LRRC40: variants seen among roughly 807,000 people sequenced by gnomAD.
LRRC40 encodes leucine rich repeat containing 40, also known as leucine-rich repeat-containing protein 40.
LRRC40 carries 76 observed loss-of-function variants against 72.8 expected under a neutral mutation model. That is an observed-to-expected ratio of 1.04 (90% CI 0.87 to 1.26). The LOEUF is 1.26. Ranked by LOEUF, LRRC40 falls within the 50% of genes most tolerant of loss-of-function variation. LRRC40 has a pLI of 0.00. For synonymous variants in LRRC40, 243 were observed against 254.2 expected (o/e 0.96, Z 0.42); for missense variants, 684 against 698.9 (o/e 0.98, Z 0.24).
rs892947468 is a variant in LRRC40, at chr1:70,144,923, A to G, written c.*877T>C. On this transcript the variant is annotated 3_prime_UTR_variant, in exon 15 of 15. Transcript: ENST00000370952. ...AAAAGCTATCTACCTATCTATATAAATTGATATACATGCTACTGAATTGAC... is the reference window on the plus strand; with the variant it reads ...AAAAGCTATCTACCTATCTATATAAGTTGATATACATGCTACTGAATTGAC... 2.0e-5 allele frequency: 3 copies of G among 152,198 alleles called. No homozygotes were observed. Among genetic ancestry groups the G allele is most frequent in the African/African-American group, 7.2e-5 (3 of 41,470 alleles). The allele number at this position is 152,198 out of a possible 1,614,324, so 9.4% of individuals were successfully genotyped here. A position where few individuals can be genotyped will look rare whatever the true frequency, so the allele number is the denominator to read the frequency against.
intron 1 of LRRC40, among the ~76,000 whole-genome samples, chr1:70,202,262 C>T (rs1668758979): frequency 6.6e-6 from 1 of 151,978 alleles, no homozygotes; most frequent in South Asian, 2.1e-4. Flanking sequence ...CTGCTTTATT[C>T]ATAACTGCCA....
At chr1:70,196,112 GAA>G (rs796209568) in intron 1 of LRRC40, among the ~76,000 whole-genome samples, 1 of 125,202 alleles carries the variant, frequency 8.0e-6, no homozygotes. Context: ...TTCTTTCTAA[GAA>G]AAAAAAAAAA....
At chr1:70,161,375 C>T (rs927311452) in intron 9 of LRRC40, among the ~76,000 whole-genome samples, 30 of 152,030 alleles carry the variant, frequency 2.0e-4, no homozygotes, top group African/African-American at 7.0e-4. Flanking sequence ...TGAGCCACCA[C>T]GCCCAGCCAT....
intron 1 of LRRC40, among the ~76,000 whole-genome samples, chr1:70,201,599 A>T (rs1668739052): frequency 6.6e-6 from 1 of 152,186 alleles, no homozygotes; most frequent in Non-Finnish European, 1.5e-5. Flanking sequence ...CACCAAAGAG[A>T]TATACAGATG....
rs3219841 is a variant in LRRC40 at position 70,204,732 on chromosome 1, TAC to T, written c.151+656_151+657del. On this transcript the variant is annotated intron_variant, in intron 1 of 14. Coordinates refer to ENST00000370952, the MANE Select transcript of LRRC40 (RefSeq NM_017768.5). ...TCTCCATTCCCCTCCCTCTCTCTCTTACACACACACACACACACACACACACA... is the reference window on the plus strand; with the variant it reads ...TCTCCATTCCCCTCCCTCTCTCTCTTACACACACACACACACACACACACA... 6.8e-3 allele frequency among the ~76,000 whole-genome samples: 977 copies of T among 144,498 alleles called. 7 individuals carry two copies. The highest frequency in any genetic ancestry group is 0.018 in the African/African-American group (700 of 39,520). 94.8% of individuals were successfully genotyped at this position (144,498 alleles called of 152,430 possible).
intron 9 of LRRC40, among the ~76,000 whole-genome samples, chr1:70,159,960 G>A (rs774867663): frequency 2.0e-5 from 3 of 152,056 alleles, no homozygotes; most frequent in Admixed American, 6.6e-5. Context: ...CTTAACAAAT[G>A]CAAGACTTTA....
chr1:70,171,322 AC>A (rs1281551368), intron 9 of LRRC40, among the ~76,000 whole-genome samples: 1 of 151,930 alleles, frequency 6.6e-6, no homozygotes, highest in East Asian at 1.9e-4. Flanking sequence ...AAAAAAATGA[AC>A]AAAAAAAAAA....
chr1:70,161,544 C>T (rs1194519618), intron 9 of LRRC40, among the ~76,000 whole-genome samples: 1 of 140,792 alleles, frequency 7.1e-6, no homozygotes, highest in Non-Finnish European at 1.5e-5. Flanking sequence ...GCAAGGCTCC[C>T]TCTCAAAAAA....
intron 4 of LRRC40, among the ~76,000 whole-genome samples, chr1:70,184,412 T>C (rs150146489): frequency 2.9e-3 from 445 of 152,172 alleles, no homozygotes; most frequent in Non-Finnish European, 4.9e-3. Flanking sequence ...ACCTGGACAT[T>C]TGGAAGGCAG....
Position 70,189,127 on chromosome 1 carries a change from C to T in LRRC40, c.298G>A (p.Asp100Asn), listed in dbSNP as rs760549538. 61 of 1,613,434 alleles carry T rather than the reference C, an allele frequency of 3.8e-5. No homozygotes were observed. The highest frequency in any genetic ancestry group is 5.2e-5 in the Non-Finnish European group (61 of 1,179,900). ...SNNKLQSLTD[D>N]LRLLPALTVL... is the part of the protein sequence containing the mutation. ...GTCAGTGCAGGCAAGAGTCGCAGGT[C>T]ATCTGTAAGTGACTGAAGTTTATTG... Residue 100 changes from aspartate to asparagine, a missense_variant, in exon 2 of 15, where the codon GAC becomes AAC. Physicochemically the swap from Asp to Asn is conservative, Grantham distance 23. Coordinates refer to ENST00000370952, the MANE Select transcript of LRRC40 (RefSeq NM_017768.5).
intron 9 of LRRC40, among the ~76,000 whole-genome samples, chr1:70,167,312 C>T (rs1300058048): frequency 2.6e-5 from 4 of 151,720 alleles, no homozygotes; most frequent in African/African-American, 9.7e-5. Flanking sequence ...ATAATCCCAG[C>T]ACTTTGAGAG....
intron 9 of LRRC40, among the ~76,000 whole-genome samples, chr1:70,171,536 C>A (rs1396908032): frequency 6.6e-6 from 1 of 151,922 alleles, no homozygotes; most frequent in Non-Finnish European, 1.5e-5. Flanking sequence ...ATCTGAATAG[C>A]CATTTCTCTA....
intron 1 of LRRC40, among the ~76,000 whole-genome samples, chr1:70,199,215 TCACACA>T (rs3223615): frequency 6.6e-4 from 93 of 140,516 alleles, no homozygotes; most frequent in South Asian, 1.7e-3. Flanking sequence ...ATACATAGTC[TCACACA>T]CACACACACA....
At chr1:70,153,564 T>C (rs138315024) in intron 11 of LRRC40, among the ~76,000 whole-genome samples, 148 of 152,292 alleles carry the variant, frequency 9.7e-4, no homozygotes, top group Admixed American at 1.9e-3. Context: ...TTTCTAGAAA[T>C]CTGGCCTAGA....
intron 9 of LRRC40, among the ~76,000 whole-genome samples, chr1:70,171,861 G>C (rs1436522677): frequency 6.6e-6 from 1 of 152,080 alleles, no homozygotes; most frequent in Non-Finnish European, 1.5e-5. Context: ...ACACCCAAGA[G>C]AAATGAAAAC....
At position 70,173,503 on chromosome 1, in the gene LRRC40, G is replaced by A. The variant is rs779360956; in HGVS notation, c.1073C>T (p.Thr358Ile). The change falls in exon 9 of 15, where the codon ACA becomes ATA. Residue 358 changes from threonine to isoleucine, a missense_variant. By Grantham distance (89) the Thr-to-Ile change is moderately conservative (BLOSUM62 -1). Transcript: ENST00000370952. Reference protein sequence around the residue: ...TIRREIISKGTQEVLKYLRSK... With the variant: ...TIRREIISKGIQEVLKYLRSK... ...TCGTAGATATTTTAGGACTTCTTGT[G>A]TTCCTTTCTAGAAGGGTGGAGACAA... The A allele has an allele frequency of 2.5e-6, 4 of 1,607,648 alleles. No homozygotes were observed. Among genetic ancestry groups the A allele is most frequent in the Non-Finnish European group, 2.6e-6 (3 of 1,174,840 alleles).
chr1:70,146,842 CTTGTT>C (rs1479778872), intron 14 of LRRC40, among the ~76,000 whole-genome samples: 1 of 152,090 alleles, frequency 6.6e-6, no homozygotes, highest in African/African-American at 2.4e-5. Flanking sequence ...GATTTAAGAG[CTTGTT>C]TTGTTTCATT....
rs1391442765 is a variant in LRRC40 at position 70,181,106 on chromosome 1, G to A, written c.641C>T (p.Ala214Val). The A allele has an allele frequency of 6.5e-6, 10 of 1,549,452 alleles. No homozygotes were observed. Among genetic ancestry groups the A allele is most frequent in the East Asian group, 2.3e-5 (1 of 43,822 alleles). Residue 214 changes from alanine to valine, a missense_variant, in exon 5 of 15, where the codon GCA (alanine) becomes GTA (valine). Transcript: ENST00000370952. ...LSSNELKSLP[A>V]EINRMKRLKH... ...TTTACTTTTCATTCTATTTATTTCT[G>A]CTGGCAAACTCTTCAGTTCATTACT...
At chr1:70,184,349 G>C (rs1453127780) in intron 4 of LRRC40, among the ~76,000 whole-genome samples, 2 of 152,094 alleles carry the variant, frequency 1.3e-5, no homozygotes, top group Non-Finnish European at 2.9e-5. Context: ...TTAAAATTTT[G>C]CCAGGAAGTG....
Sources: allele counts gnomAD v4.1 joint callset (sites outside exome capture counted in the v4.1 genomes callset), GRCh38; gene constraint gnomAD v4.1.1; transcripts MANE v1.5; gene names NCBI Gene and HGNC (gene_info 2026-07-23, HGNC 2026-07-21).